The following ADAM9 variants were observed in gnomAD, a reference collection of about 807,000 sequenced individuals.
ADAM9 encodes disintegrin and metalloproteinase domain-containing protein 9.
Under a neutral mutation model 108.1 loss-of-function variants are expected in ADAM9, and 54 were observed. The ratio of observed to expected loss-of-function variants is 0.50; its 90% CI spans 0.40 to 0.63. The LOEUF (loss-of-function observed/expected upper bound fraction) is 0.63, where lower values mean the gene tolerates loss of function less well. Among genes scored for constraint, ADAM9 ranks in the 20% least tolerant of loss-of-function variants. The pLI is 0.00. For synonymous variants in ADAM9, 316 were observed against 336.0 expected (o/e 0.94, Z 0.65); for missense variants, 830 against 997.7 (o/e 0.83, Z 2.26).
At chr8:39,022,498 C>T (rs1432706761) in intron 8 of ADAM9, among the ~76,000 whole-genome samples, 2 of 152,094 alleles carry the variant, frequency 1.3e-5, no homozygotes, top group Non-Finnish European at 2.9e-5. Flanking sequence ...ATTGATATTT[C>T]TGCAGTGAAA....
chr8:39,002,562 C>A (rs1321055914), intron 1 of ADAM9, among the ~76,000 whole-genome samples: 1 of 151,742 alleles, frequency 6.6e-6, no homozygotes, highest in East Asian at 1.9e-4. Flanking sequence ...ACCTCGTGAT[C>A]CGCCTGCCTC....
At chr8:39,069,883 A>G (rs1255723179) in intron 14 of ADAM9, among the ~76,000 whole-genome samples, 2 of 151,758 alleles carry the variant, frequency 1.3e-5, no homozygotes, top group Admixed American at 6.6e-5. Flanking sequence ...TTTTGTGCAT[A>G]TGAGTGTATA....
At chr8:39,094,264 A>G (rs1388422974) in intron 20 of ADAM9, among the ~76,000 whole-genome samples, 1 of 152,190 alleles carries the variant, frequency 6.6e-6, no homozygotes, top group East Asian at 1.9e-4. Context: ...TCGCATCCCC[A>G]GAATAAATCC....
Position 39,103,697 on chromosome 8 carries a change from T to C in ADAM9, c.2457T>C (p.Thr819=). The C allele has an allele frequency of 6.2e-7, 1 of 1,613,590 alleles. No individual in the cohort carries two copies. ...APAPPLYSSL[T] ...CACCTCCTTTATATAGTTCCCTCAC[T>C]TGATTTTTTTAACCTTCTTTTTGCA... The change falls in exon 22 of 22, where the codon ACT becomes ACC. Residue 819 remains threonine (T), a synonymous_variant. Transcript: ENST00000487273.
intron 12 of ADAM9, among the ~76,000 whole-genome samples, chr8:39,047,592 A>G (rs2129437537): frequency 6.6e-6 from 1 of 152,146 alleles, no homozygotes; most frequent in African/African-American, 2.4e-5. Flanking sequence ...GTAAATGTTT[A>G]TAGTAGTCTT....
intron 14 of ADAM9, among the ~76,000 whole-genome samples, chr8:39,059,789 C>T (rs1457951690): frequency 2.6e-5 from 4 of 152,228 alleles, no homozygotes; most frequent in Admixed American, 6.5e-5. Flanking sequence ...TTCTTCATAT[C>T]ATATCATGTG....
chr8:39,100,923 T>C (rs944825029), intron 20 of ADAM9, among the ~76,000 whole-genome samples: 4 of 152,240 alleles, frequency 2.6e-5, no homozygotes, highest in African/African-American at 4.8e-5. Context: ...GGCTAAGTTA[T>C]ACAGTTTCAC....
chr8:39,081,502 C>G (rs1386979112), intron 16 of ADAM9, among the ~76,000 whole-genome samples: 2 of 152,072 alleles, frequency 1.3e-5, no homozygotes, highest in Non-Finnish European at 2.9e-5. Flanking sequence ...TAAAGACTTG[C>G]GGATGTAAGA....
intron 15 of ADAM9, among the ~76,000 whole-genome samples, chr8:39,074,371 A>AAT (rs1200312522): frequency 1.3e-5 from 2 of 152,192 alleles, no homozygotes; most frequent in African/African-American, 4.8e-5. Flanking sequence ...AGAAATTCCA[A>AAT]ATATACAGAG....
At chr8:39,001,723 A>G (rs1835997430) in intron 1 of ADAM9, among the ~76,000 whole-genome samples, 1 of 151,574 alleles carries the variant, frequency 6.6e-6, no homozygotes, top group Admixed American at 6.6e-5. Context: ...ACTGGAGTGC[A>G]ATGGCTCGAT....
chr8:39,017,946 A>T (rs369333741), intron 6 of ADAM9, among the ~76,000 whole-genome samples: 6 of 152,322 alleles, frequency 3.9e-5, no homozygotes, highest in Non-Finnish European at 8.8e-5. Context: ...TGATTCTTGA[A>T]CCCTAGATTG....
chr8:39,055,894 CCTTT>C (rs1366820493), intron 14 of ADAM9, 122 bp downstream of exon 14: 4 of 1,057,678 alleles, frequency 3.8e-6, no homozygotes, highest in Non-Finnish European at 4.1e-6. Context: ...CATCGTATTT[CCTTT>C]CTTCTTTGGA....
intron 11 of ADAM9, among the ~76,000 whole-genome samples, chr8:39,035,238 T>G (rs1022758703): frequency 6.6e-6 from 1 of 152,246 alleles, no homozygotes; most frequent in African/African-American, 2.4e-5. Flanking sequence ...ATCCATTGAA[T>G]TATTAATTTT....
intron 1 of ADAM9, among the ~76,000 whole-genome samples, chr8:38,997,852 C>G (rs1042803921): frequency 6.6e-6 from 1 of 152,144 alleles, no homozygotes; most frequent in Non-Finnish European, 1.5e-5. Context: ...GACAGATAAT[C>G]CCTGCTCTTT....
intron 14 of ADAM9, among the ~76,000 whole-genome samples, chr8:39,056,316 A>G (rs868545473): frequency 5.8e-4 from 88 of 152,100 alleles, no homozygotes; most frequent in African/African-American, 2.1e-3. Context: ...GTTCCCACCC[A>G]CTATTCCCAT....
At chr8:39,054,121 A>G (rs11784067) in intron 12 of ADAM9, among the ~76,000 whole-genome samples, 1,905 of 152,332 alleles carry the variant, frequency 0.013, 23 homozygotes, top group South Asian at 0.033. Context: ...TCTGCAAGCC[A>G]GGAAGAGAAT....
chr8:39,102,015 A>C lies in ADAM9; in HGVS notation c.2366+85A>C, dbSNP rs952074859. On this transcript the variant is annotated intron_variant, in intron 21 of 21. Transcript: ENST00000487273. ...ATAATTTCCCCTGTATTTTAATGTA[A>C]TTTAGTGAAAGGTATTTATTGTCAA... 7.0e-6 allele frequency: 8 copies of C among 1,150,252 alleles called. No homozygotes were observed. The South Asian group carries it at 8.9e-5, about 13-fold the overall frequency. 71.3% of individuals were successfully genotyped at this position (1,150,252 alleles called of 1,614,324 possible).
At chr8:39,006,900 C>T (rs960048443) in intron 1 of ADAM9, among the ~76,000 whole-genome samples, 1 of 152,168 alleles carries the variant, frequency 6.6e-6, no homozygotes, top group Non-Finnish European at 1.5e-5. Flanking sequence ...AGCGTGGCTA[C>T]ATTGTTGAGT....
At chr8:39,041,882 G>A in intron 11 of ADAM9, 64 bp from the exon 12 acceptor site, 1 of 1,486,772 alleles carries the variant, frequency 6.7e-7, no homozygotes, top group Non-Finnish European at 9.4e-7. Context: ...TTAAAGTCAT[G>A]ACTTAACATT....
Sources: gnomAD v4.1 joint callset for allele counts (sites outside exome capture counted in the v4.1 genomes callset) on GRCh38, gnomAD v4.1.1 for gene constraint, MANE v1.5 for transcripts, NCBI Gene and HGNC (gene_info 2026-07-23, HGNC 2026-07-21) for gene names.